HECW1: variants seen among roughly 807,000 people sequenced by gnomAD.
The protein encoded by HECW1 is HECT, C2 and WW domain containing E3 ubiquitin protein ligase 1.
HECW1 carries 61 observed loss-of-function variants against 182.3 expected under a neutral mutation model. The ratio of observed to expected loss-of-function variants is 0.33; its 90% CI spans 0.27 to 0.41. The LOEUF (loss-of-function observed/expected upper bound fraction) is 0.41. HECW1 is among the 10% of genes least tolerant of loss of function. The pLI, the probability that HECW1 is intolerant of heterozygous loss-of-function variation, is 1.00. For missense variants in HECW1, 1,739 were observed against 2,108.9 expected (o/e 0.82, Z 3.44); for synonymous variants, 859 against 832.6 (o/e 1.03, Z -0.55).
intron 2 of HECW1, among the ~76,000 whole-genome samples, chr7:43,140,752 G>A (rs144384642): frequency 1.3e-5 from 2 of 152,246 alleles, no homozygotes; most frequent in African/African-American, 2.4e-5. Context: ...GGCATCTTCA[G>A]CAGAAATTTA....
intron 5 of HECW1, among the ~76,000 whole-genome samples, chr7:43,342,183 A>T (rs1358867858): frequency 6.6e-6 from 1 of 151,814 alleles, no homozygotes; most frequent in African/African-American, 2.4e-5. Flanking sequence ...TTTTAAATTA[A>T]CATAAATTTT....
chr7:43,233,857 C>T (rs1229090983), intron 2 of HECW1, among the ~76,000 whole-genome samples: 1 of 152,180 alleles, frequency 6.6e-6, no homozygotes, highest in African/African-American at 2.4e-5. Context: ...GGTATAGCAA[C>T]ACAATGGGCA....
chr7:43,280,325 A>T (rs1803727026), intron 3 of HECW1, among the ~76,000 whole-genome samples: 1 of 152,120 alleles, frequency 6.6e-6, no homozygotes, highest in Non-Finnish European at 1.5e-5. Context: ...CTGTGACCTT[A>T]CCCGTCCAGT....
Position 43,226,255 on chromosome 7 carries a change from C to T in HECW1, c.-31-17620C>T, listed in dbSNP as rs140796110. On this transcript the variant is annotated intron_variant, in intron 2 of 29. Coordinates refer to ENST00000395891, the MANE Select transcript of HECW1 (RefSeq NM_015052.5). ...AATTTTGATAAAAGTTCAAATGTTA[C>T]AAACTCTAGCCTTGACTCTGTCCTT... Among the ~76,000 whole-genome samples, 514 of 152,276 alleles carry T rather than the reference C, an allele frequency of 3.4e-3. 4 individuals carry two copies. The highest frequency in any genetic ancestry group is 0.012 in the African/African-American group (480 of 41,552).
intron 4 of HECW1, among the ~76,000 whole-genome samples, chr7:43,313,926 C>T (rs1808862279): frequency 6.6e-6 from 1 of 152,082 alleles, no homozygotes; most frequent in African/African-American, 2.4e-5. Flanking sequence ...GGTTTAGGCT[C>T]CGAATCTAGG....
intron 3 of HECW1, among the ~76,000 whole-genome samples, chr7:43,269,295 T>C (rs1003295372): frequency 3.9e-5 from 6 of 152,238 alleles, no homozygotes; most frequent in African/African-American, 1.4e-4. Context: ...ATGCTCCTAT[T>C]GGCCACAGAA....
At chr7:43,415,797 A>C (rs2075972545) in intron 8 of HECW1, among the ~76,000 whole-genome samples, 1 of 142,550 alleles carries the variant, frequency 7.0e-6, no homozygotes, top group African/African-American at 2.7e-5. Flanking sequence ...CATCGCTGAT[A>C]CCCTTTCTTC....
At chr7:43,447,749 G>C (rs2077103425) in intron 11 of HECW1, among the ~76,000 whole-genome samples, 1 of 152,200 alleles carries the variant, frequency 6.6e-6, no homozygotes, top group South Asian at 2.1e-4. Context: ...ATACGTGATT[G>C]TGTGGGTGAC....
At chr7:43,302,236 T>A (rs1264285214) in intron 3 of HECW1, among the ~76,000 whole-genome samples, 2 of 152,110 alleles carry the variant, frequency 1.3e-5, no homozygotes, top group Non-Finnish European at 2.9e-5. Context: ...TGAGGCTCCC[T>A]CCCAAGCCAG....
At chr7:43,225,649 AC>A (rs527470876) in intron 2 of HECW1, among the ~76,000 whole-genome samples, 1 of 152,338 alleles carries the variant, frequency 6.6e-6, no homozygotes, top group African/African-American at 2.4e-5. Context: ...AATGTGAGGA[AC>A]TTTTAAAATT....
chr7:43,256,481 C>T (rs1207657203), intron 3 of HECW1, among the ~76,000 whole-genome samples: 15 of 151,724 alleles, frequency 9.9e-5, no homozygotes, highest in African/African-American at 2.9e-4. Flanking sequence ...TGGTGGCAGG[C>T]GCCTGTAATC....
intron 24 of HECW1, among the ~76,000 whole-genome samples, chr7:43,539,692 T>C (rs1474366255): frequency 1.3e-5 from 2 of 152,198 alleles, no homozygotes; most frequent in Non-Finnish European, 2.9e-5. Context: ...CCATCACCTC[T>C]GTGCTGACCT....
In HECW1 at chr7:43,442,450, C is replaced by T. The variant is rs1348093650; in HGVS notation, c.945-79C>T. 6 of 996,086 alleles carry T rather than the reference C, an allele frequency of 6.0e-6. No homozygotes were observed. The African/African-American group carries it at 8.0e-5, about 13-fold the overall frequency. The allele number at this position is 996,086 out of a possible 1,614,324, so 61.7% of individuals were successfully genotyped here. ...TCCCTGGGCTTGCCTGCCTCACCCA[C>T]TGGTATAGAAAGCACACTGCATGGT... is the stretch of plus-strand genomic sequence containing the variant. On this transcript the variant is annotated intron_variant, in intron 9 of 29. Coordinates refer to ENST00000395891, the MANE Select transcript of HECW1 (RefSeq NM_015052.5).
intron 8 of HECW1, among the ~76,000 whole-genome samples, chr7:43,411,190 T>C (rs1452178947): frequency 6.6e-6 from 1 of 152,134 alleles, no homozygotes; most frequent in Non-Finnish European, 1.5e-5. Flanking sequence ...TAATTTATAC[T>C]TTTATTATCA....
chr7:43,366,217 TA>T (rs1167414841), intron 6 of HECW1, among the ~76,000 whole-genome samples: 4 of 151,042 alleles, frequency 2.6e-5, no homozygotes, highest in South Asian at 2.1e-4. Flanking sequence ...ACTATTCTCT[TA>T]AAAAAAAAGG....
At chr7:43,313,701 AG>A (rs1438676190) in intron 4 of HECW1, among the ~76,000 whole-genome samples, 4 of 152,220 alleles carry the variant, frequency 2.6e-5, no homozygotes, top group African/African-American at 9.6e-5. Flanking sequence ...CTTAAAATGT[AG>A]AAGTTTCAAG....
chr7:43,185,486 A>T (rs1462617917), intron 2 of HECW1, among the ~76,000 whole-genome samples: 3 of 152,210 alleles, frequency 2.0e-5, no homozygotes, highest in African/African-American at 2.4e-5. Context: ...CTGAGCCGTC[A>T]ACCTGTGAGA....
At chr7:43,373,201 CTTT>C (rs71562094) in intron 6 of HECW1, among the ~76,000 whole-genome samples, 36 of 125,982 alleles carry the variant, frequency 2.9e-4, no homozygotes, top group African/African-American at 9.3e-4. Flanking sequence ...TGCCTTCTTC[CTTT>C]TTTTTTTTTT....
intron 8 of HECW1, among the ~76,000 whole-genome samples, chr7:43,425,267 G>A (rs564629762): frequency 6.6e-6 from 1 of 151,052 alleles, no homozygotes; most frequent in South Asian, 2.1e-4. Context: ...ATATGCAGAT[G>A]TACACATGTG....
Sources: allele counts gnomAD v4.1 joint callset (sites outside exome capture counted in the v4.1 genomes callset), GRCh38; gene constraint gnomAD v4.1.1; transcripts MANE v1.5; gene names NCBI Gene and HGNC (gene_info 2026-07-23, HGNC 2026-07-21).